Variants in POLA1 observed in about 807,000 individuals in gnomAD.
The protein encoded by POLA1 is DNA polymerase alpha catalytic subunit.
POLA1 carries 15 observed loss-of-function variants against 124.0 expected under a neutral mutation model. That is an observed-to-expected ratio of 0.12 (90% confidence interval 0.08 to 0.19). The LOEUF is 0.19. Among genes scored for constraint, POLA1 ranks in the 10% least tolerant of loss-of-function variants. The probability of loss-of-function intolerance (pLI) is 1.00; values close to 1 mark genes in which losing one functional copy is unlikely to be tolerated. For missense variants in POLA1, 886 were observed against 1,103.4 expected (o/e 0.80, Z 2.79); for synonymous variants, 408 against 389.4 (o/e 1.05, Z -0.56).
chrX:24,962,268 G>C (rs866637921), intron 36 of POLA1, among the ~76,000 whole-genome samples: 1 of 110,461 alleles, frequency 9.1e-6, no homozygotes, highest in African/African-American at 3.3e-5. Flanking sequence ...GTGAAAAACT[G>C]TAAAAAAAAG....
chrX:24,928,231 G>A (rs2047723167), intron 35 of POLA1, among the ~76,000 whole-genome samples: 1 of 111,354 alleles, frequency 9.0e-6, no homozygotes, highest in Non-Finnish European at 1.9e-5. Flanking sequence ...CAATTAGCCT[G>A]CCTACTAATA....
At chrX:24,832,010 C>A (rs752361949) in intron 32 of POLA1, among the ~76,000 whole-genome samples, 1 of 111,901 alleles carries the variant, frequency 8.9e-6, no homozygotes, top group East Asian at 2.8e-4. Context: ...CCAGTCATTT[C>A]GTTGATTTCA....
At chrX:24,940,535 G>A (rs1370488983) in intron 36 of POLA1, among the ~76,000 whole-genome samples, 1 of 111,681 alleles carries the variant, frequency 9.0e-6, no homozygotes, top group Admixed American at 9.5e-5. Context: ...AATATTATCA[G>A]TATTTGGGTA....
At chrX:24,822,622 CT>C (rs2046108482) in intron 31 of POLA1, among the ~76,000 whole-genome samples, 1 of 112,131 alleles carries the variant, frequency 8.9e-6, no homozygotes, top group African/African-American at 3.2e-5. Context: ...TGTCTCCCCC[CT>C]AGGGTTACCC....
chrX:24,989,003 A>G (rs1237725439), intron 36 of POLA1, among the ~76,000 whole-genome samples: 2 of 111,891 alleles, frequency 1.8e-5, no homozygotes, highest in Non-Finnish European at 3.8e-5. Context: ...TATGTGAGCA[A>G]TAAAGATGTT....
intron 35 of POLA1, among the ~76,000 whole-genome samples, chrX:24,922,382 G>T (rs1173493729): frequency 2.7e-5 from 3 of 110,214 alleles, no homozygotes; most frequent in African/African-American, 9.9e-5. Flanking sequence ...ACTGTTCCTG[G>T]CCCCATTTTT....
chrX:24,768,038 A>G (rs766660448), intron 26 of POLA1, among the ~76,000 whole-genome samples: 5 of 112,544 alleles, frequency 4.4e-5, no homozygotes, highest in Non-Finnish European at 9.4e-5. Flanking sequence ...GCCACAGTAC[A>G]TTGCCTGTGT....
intron 36 of POLA1, among the ~76,000 whole-genome samples, chrX:24,966,873 T>A (rs1465477907): frequency 8.9e-6 from 1 of 112,111 alleles, no homozygotes; most frequent in Non-Finnish European, 1.9e-5. Context: ...TTGAAAACAG[T>A]TTGTATATTT....
intron 32 of POLA1, among the ~76,000 whole-genome samples, chrX:24,838,835 T>C (rs2046374220): frequency 8.9e-6 from 1 of 112,506 alleles, no homozygotes; most frequent in South Asian, 3.7e-4. Context: ...CAGCACCAGA[T>C]ACTTGTTTCT....
intron 33 of POLA1, among the ~76,000 whole-genome samples, chrX:24,842,684 GAT>G (rs1490791246): frequency 1.8e-5 from 2 of 111,719 alleles, no homozygotes; most frequent in Non-Finnish European, 3.8e-5. Flanking sequence ...CTGTAAATAA[GAT>G]AGTTAATTGC....
chrX:24,977,492 C>G (rs1250169999), intron 36 of POLA1, among the ~76,000 whole-genome samples: 1 of 111,443 alleles, frequency 9.0e-6, no homozygotes, highest in Non-Finnish European at 1.9e-5. Flanking sequence ...CCTTTGCACC[C>G]AGTGCATGGG....
chrX:24,731,267 A>G, intron 15 of POLA1, among the ~76,000 whole-genome samples: 1 of 111,822 alleles, frequency 8.9e-6, no homozygotes, highest in Non-Finnish European at 1.9e-5. Flanking sequence ...ACTATGGGGC[A>G]CTCTCTAGGA....
intron 18 of POLA1, among the ~76,000 whole-genome samples, chrX:24,736,808 T>C (rs913859570): frequency 8.9e-6 from 1 of 111,913 alleles, no homozygotes; most frequent in Non-Finnish European, 1.9e-5. Context: ...ACTCATTAAC[T>C]TCCCATTCCC....
At chrX:24,860,295 G>A (rs1284539424) in intron 34 of POLA1, among the ~76,000 whole-genome samples, 1 of 112,695 alleles carries the variant, frequency 8.9e-6, no homozygotes, top group African/African-American at 3.2e-5. Flanking sequence ...ATGCACAAGT[G>A]CACTCTTGCA....
At chrX:24,793,277 C>CAAAAAAAAA (rs144419886) in intron 26 of POLA1, among the ~76,000 whole-genome samples, 2 of 26,036 alleles carry the variant, frequency 7.7e-5, no homozygotes, top group African/African-American at 1.8e-4. Context: ...GACTCCCTCT[C>CAAAAAAAAA]AAAAAAAAAA....
At chrX:24,872,549 G>A (rs968630613) in intron 34 of POLA1, among the ~76,000 whole-genome samples, 6 of 111,147 alleles carry the variant, frequency 5.4e-5, no homozygotes, top group African/African-American at 1.6e-4. Flanking sequence ...AAAGAAAATC[G>A]CAGGAAAATT....
intron 36 of POLA1, among the ~76,000 whole-genome samples, chrX:24,963,882 A>G (rs910501980): frequency 5.4e-5 from 6 of 111,895 alleles, no homozygotes; most frequent in Admixed American, 4.8e-4. Context: ...CTGTTTTGGC[A>G]GCGTAGAAGT....
chrX:24,742,207 A>G, intron 22 of POLA1, 86 bp downstream of exon 22: 2 of 838,536 alleles, frequency 2.4e-6, no homozygotes, highest in Admixed American at 3.3e-5. Flanking sequence ...TTCTGTGATA[A>G]CATCTGCTTT....
rs188734545 is a variant in POLA1, at chrX:24,996,172, A to G, written c.*222A>G. 6.1e-6 allele frequency: 2 copies of G among 330,257 alleles called. No individual in the cohort carries two copies. Among genetic ancestry groups the G allele is most frequent in the East Asian group, 9.9e-5 (2 of 20,282 alleles). 27.2% of individuals were successfully genotyped at this position (330,257 alleles called of 1,213,427 possible). ...TCTTCATATTAAGATGTACTGCTTT[A>G]AAACACAACTCCAGAGCCCCTCCCC... is the stretch of plus-strand genomic sequence containing the variant. On this transcript the variant is annotated 3_prime_UTR_variant, in exon 37 of 37. Transcript: ENST00000379068.
Sources: gnomAD v4.1 joint callset for allele counts (sites outside exome capture counted in the v4.1 genomes callset) on GRCh38, gnomAD v4.1.1 for gene constraint, MANE v1.5 for transcripts, NCBI Gene and HGNC (gene_info 2026-07-23, HGNC 2026-07-21) for gene names.